Variants in FRMD6 observed in about 807,000 individuals in gnomAD.
The protein encoded by FRMD6 is FERM domain-containing protein 6.
In FRMD6, 37 loss-of-function variants were observed where a neutral mutation model predicts 73.2. That is an observed-to-expected ratio of 0.51 (90% confidence interval 0.39 to 0.66). The LOEUF (loss-of-function observed/expected upper bound fraction) is 0.66. Ranked by LOEUF, FRMD6 falls within the 30% of genes least tolerant of loss-of-function variation. The pLI is 0.00. For missense variants in FRMD6, 714 were observed against 780.5 expected, an observed-to-expected ratio of 0.91 and a Z score of 1.02; for synonymous variants, 273 against 282.2, an observed-to-expected ratio of 0.97 and a Z score of 0.33.
intron 2 of FRMD6, among the ~76,000 whole-genome samples, chr14:51,605,567 T>C (rs1364567333): frequency 6.6e-6 from 1 of 152,112 alleles, no homozygotes; most frequent in Non-Finnish European, 1.5e-5. Flanking sequence ...ATGCTCTACT[T>C]GAATGTCCCT....
At chr14:51,521,096 T>C (rs1161333723) in intron 1 of FRMD6, among the ~76,000 whole-genome samples, 2 of 152,152 alleles carry the variant, frequency 1.3e-5, no homozygotes, top group Non-Finnish European at 2.9e-5. Flanking sequence ...TATCTGGGGC[T>C]GGGGGAAGTG....
rs561783356 is a variant in FRMD6, at chr14:51,620,537, G to A, written c.-147+50127G>A. Among the ~76,000 whole-genome samples, 3 of 152,132 alleles carry A rather than the reference G, an allele frequency of 2.0e-5. No homozygotes were observed. The South Asian group carries it at 6.2e-4, about 32-fold the overall frequency. On this transcript the variant is annotated intron_variant, in intron 2 of 14. Transcript: ENST00000356218. ...TGTCCTTTTATGTAGAACAAAGTTAGACTACACCAGTCAGACGTTTGCTTG... is the reference window on the plus strand; with the variant it reads ...TGTCCTTTTATGTAGAACAAAGTTAAACTACACCAGTCAGACGTTTGCTTG...
At chr14:51,690,659 G>A (rs1319371231) in intron 2 of FRMD6, among the ~76,000 whole-genome samples, 2 of 152,214 alleles carry the variant, frequency 1.3e-5, no homozygotes, top group Non-Finnish European at 2.9e-5. Context: ...TGGGATTACA[G>A]GCGTGAGCCA....
intron 2 of FRMD6, among the ~76,000 whole-genome samples, chr14:51,615,185 G>A (rs1274637779): frequency 1.3e-5 from 2 of 152,162 alleles, no homozygotes; most frequent in Non-Finnish European, 2.9e-5. Flanking sequence ...TGCAGAGGTA[G>A]GTCAGCACTG....
At chr14:51,487,484 T>C (rs1330813712), upstream of FRMD6, among the ~76,000 whole-genome samples, 1 of 152,154 alleles carries the variant, frequency 6.6e-6, no homozygotes, top group East Asian at 1.9e-4. Flanking sequence ...CAAGACTGGA[T>C]TAAGGCCTGA....
intron 2 of FRMD6, among the ~76,000 whole-genome samples, chr14:51,627,053 C>T (rs74052623): frequency 0.01 from 1,588 of 152,258 alleles, 28 homozygotes; most frequent in African/African-American, 0.036. Context: ...GATATTTAGT[C>T]GATTCACACA....
rs150345742 is a variant in FRMD6 at position 51,507,989 on chromosome 14, T to C, written c.-210+18569T>C. On this transcript the variant is annotated intron_variant, in intron 1 of 14. Transcript: ENST00000356218. ...TGAAATGGCATGATCCCTTACCTGA[T>C]TGTGGGAGCCCCCTCATCCTTTGCT... Among the ~76,000 whole-genome samples, 1,267 of 152,262 alleles carry C rather than the reference T, an allele frequency of 8.3e-3. 10 individuals carry two copies. The highest frequency in any genetic ancestry group is 0.02 in the Middle Eastern group (6 of 294).
At chr14:51,718,182 G>A (rs1233371279) in intron 10 of FRMD6, among the ~76,000 whole-genome samples, 1 of 152,150 alleles carries the variant, frequency 6.6e-6, no homozygotes, top group South Asian at 2.1e-4. Context: ...CTTCCTAAAT[G>A]TCTGGAAAGG....
intron 1 of FRMD6, among the ~76,000 whole-genome samples, chr14:51,507,498 T>C (rs1305933222): frequency 8.5e-5 from 13 of 152,160 alleles, no homozygotes; most frequent in Non-Finnish European, 4.4e-5. Flanking sequence ...CCCTGAATAA[T>C]TCATGGCCAC....
rs1489278384 is a variant in FRMD6, at chr14:51,644,387, A to ACACACACACACACACACACTCT, written c.-146-45303_-146-45302insACACACACACACACACACTCTC. Among the ~76,000 whole-genome samples, 105 of 115,050 alleles carry ACACACACACACACACACACTCT rather than the reference A, an allele frequency of 9.1e-4. 1 individual carries two copies. Among genetic ancestry groups the ACACACACACACACACACACTCT allele is most frequent in the Admixed American group, 7.5e-3 (83 of 11,024 alleles). The allele number at this position is 115,050 out of a possible 152,430, so 75.5% of individuals were successfully genotyped here. The stretch of plus-strand genomic sequence containing the variant: ...CACACACACACACACACACACACAC[A>ACACACACACACACACACACTCT]CTCACTCACTCTCTCTCTCTCTCTC... On this transcript the variant is annotated intron_variant, in intron 2 of 14. Transcript: ENST00000356218.
At chr14:51,398,518 A>G in the FRMD6 span, among the ~76,000 whole-genome samples, 2 of 151,392 alleles carry the variant, frequency 1.3e-5, no homozygotes, top group Admixed American at 6.6e-5. Context: ...GTCACAAACA[A>G]TGTTAATTAA....
the FRMD6 span, chr14:51,435,955 C>T: frequency 6.4e-6 from 1 of 156,052 alleles, no homozygotes; most frequent in African/African-American, 2.4e-5. Context: ...AGAAAATGCT[C>T]TTAAAAAATG....
intron 2 of FRMD6, among the ~76,000 whole-genome samples, chr14:51,581,058 A>G (rs1323069020): frequency 6.6e-6 from 1 of 152,350 alleles, no homozygotes; most frequent in East Asian, 1.9e-4. Context: ...ACTGGCTGCC[A>G]CAGTACCATA....
intron 1 of FRMD6, among the ~76,000 whole-genome samples, chr14:51,509,695 C>T (rs979502631): frequency 6.6e-6 from 1 of 151,920 alleles, no homozygotes; most frequent in Admixed American, 6.5e-5. Flanking sequence ...GGTGCGATCT[C>T]GGCTCACTAC....
chr14:51,438,317 T>C, the FRMD6 span, among the ~76,000 whole-genome samples: 6 of 152,248 alleles, frequency 3.9e-5, no homozygotes, highest in Non-Finnish European at 7.3e-5. Flanking sequence ...TTCTCTATCG[T>C]AATTTTGTTC....
chr14:51,699,196 G>A, intron 3 of FRMD6, among the ~76,000 whole-genome samples: 1 of 152,068 alleles, frequency 6.6e-6, no homozygotes, highest in Admixed American at 6.6e-5. Context: ...AGGCTAAAGA[G>A]CATGGAGCAG....
At chr14:51,456,552 T>C in the FRMD6 span, among the ~76,000 whole-genome samples, 7 of 152,224 alleles carry the variant, frequency 4.6e-5, no homozygotes, top group Admixed American at 6.5e-5. Flanking sequence ...CAGTCTATCA[T>C]TGATGGGCAT....
the FRMD6 span, among the ~76,000 whole-genome samples, chr14:51,411,337 A>T: frequency 2.6e-5 from 4 of 152,324 alleles, no homozygotes; most frequent in East Asian, 7.7e-4. Flanking sequence ...ATTTAGGGGA[A>T]TATTCACCAA....
At chr14:51,517,177 T>C (rs1460043378) in intron 1 of FRMD6, among the ~76,000 whole-genome samples, 1 of 152,200 alleles carries the variant, frequency 6.6e-6, no homozygotes, top group Non-Finnish European at 1.5e-5. Flanking sequence ...AAGGAAACAA[T>C]CTGTAATTGA....
Sources: allele counts gnomAD v4.1 joint callset (sites outside exome capture counted in the v4.1 genomes callset), GRCh38; gene constraint gnomAD v4.1.1; transcripts MANE v1.5; gene names NCBI Gene and HGNC (gene_info 2026-07-23, HGNC 2026-07-21).